COL4A1: variants seen among roughly 807,000 people sequenced by gnomAD.
COL4A1 encodes the protein collagen type IV alpha 1 chain, also known as collagen alpha-1(IV) chain.
Under a neutral mutation model 216.6 loss-of-function variants are expected in COL4A1, and 40 were observed. The ratio of observed to expected loss-of-function variants is 0.18; its 90% CI spans 0.14 to 0.24. The LOEUF is 0.24. Ranked by LOEUF, COL4A1 falls within the 10% of genes least tolerant of loss-of-function variation. The pLI, the probability that COL4A1 is intolerant of heterozygous loss-of-function variation, is 1.00. For synonymous variants in COL4A1, 839 were observed against 810.7 expected (o/e 1.03, Z -0.59); for missense variants, 1,628 against 2,196.8 (o/e 0.74, Z 5.18).
chr13:110,255,081 G>A (rs540380022), intron 1 of COL4A1, among the ~76,000 whole-genome samples: 3 of 152,320 alleles, frequency 2.0e-5, no homozygotes, highest in South Asian at 2.1e-4. Context: ...CACTTCCCGC[G>A]GAGGAGGTCT....
At chr13:110,272,031 G>A (rs1235807787) in intron 1 of COL4A1, among the ~76,000 whole-genome samples, 1 of 152,160 alleles carries the variant, frequency 6.6e-6, no homozygotes, top group African/African-American at 2.4e-5. Flanking sequence ...GGTAAGATCA[G>A]GTAATATTTG....
At chr13:110,264,360 C>T (rs770330074) in intron 1 of COL4A1, among the ~76,000 whole-genome samples, 70 of 152,218 alleles carry the variant, frequency 4.6e-4, no homozygotes, top group Non-Finnish European at 8.7e-4. Context: ...GTCAACTAAC[C>T]TGGCTGCAGG....
intron 2 of COL4A1, among the ~76,000 whole-genome samples, chr13:110,231,567 C>T (rs1478831671): frequency 1.3e-5 from 2 of 152,134 alleles, no homozygotes; most frequent in East Asian, 1.9e-4. Flanking sequence ...AGAGTGTTCA[C>T]TTGGGGGTTC....
chr13:110,197,991 GT>G (rs1878981659), intron 21 of COL4A1, among the ~76,000 whole-genome samples: 1 of 151,858 alleles, frequency 6.6e-6, no homozygotes, highest in South Asian at 2.1e-4. Flanking sequence ...CATGTTACAT[GT>G]TCACCTTTTC....
chr13:110,277,612 C>T (rs1883478111), intron 1 of COL4A1, among the ~76,000 whole-genome samples: 1 of 152,214 alleles, frequency 6.6e-6, no homozygotes, highest in African/African-American at 2.4e-5. Context: ...CCAGCCAGAC[C>T]TCACCACCAC....
intron 22 of COL4A1, 34 bp downstream of exon 22, chr13:110,194,989 C>A (rs1566364703): frequency 1.3e-6 from 2 of 1,584,956 alleles, no homozygotes; most frequent in Admixed American, 3.3e-5. Flanking sequence ...CGCAAAGACA[C>A]AACCACCATT....
At chr13:110,269,948 C>T (rs547711215) in intron 1 of COL4A1, among the ~76,000 whole-genome samples, 4 of 152,184 alleles carry the variant, frequency 2.6e-5, no homozygotes, top group African/African-American at 7.2e-5. Flanking sequence ...ACATACCTGC[C>T]GAAATGGCTG....
At chr13:110,265,410 A>G (rs967866837) in intron 1 of COL4A1, 1 of 152,232 alleles carries the variant, frequency 6.6e-6, no homozygotes, top group African/African-American at 2.4e-5. Flanking sequence ...AGCCTGAGGC[A>G]CCCTAAACTA....
At chr13:110,156,125 T>C (rs542471770) in intron 49 of COL4A1, among the ~76,000 whole-genome samples, 1 of 152,312 alleles carries the variant, frequency 6.6e-6, no homozygotes, top group East Asian at 1.9e-4. Context: ...CTGTCTGTCT[T>C]GTAGAAGGGG....
At chr13:110,170,125 G>GGAAA (rs1566346601) in intron 42 of COL4A1, among the ~76,000 whole-genome samples, 2,187 of 25,724 alleles carry the variant, frequency 0.085, 79 homozygotes, top group African/African-American at 0.16. Context: ...AAGGAAGGAA[G>GGAAA]GAAGGAAGGA....
chr13:110,299,810 C>A (rs1296296998), intron 1 of COL4A1, among the ~76,000 whole-genome samples: 3 of 152,236 alleles, frequency 2.0e-5, no homozygotes, highest in Non-Finnish European at 2.9e-5. Context: ...ATACGTCACA[C>A]ACAACTCAGT....
Position 110,289,283 on chromosome 13 carries a change from C to T in COL4A1, c.84+17661G>A, listed in dbSNP as rs565490186. On this transcript the variant is annotated intron_variant, in intron 1 of 51. Coordinates refer to ENST00000375820, the MANE Select transcript of COL4A1 (RefSeq NM_001845.6). ...CTGGAGTGATGAGTTCCAGCTCTAG[C>T]ACGATCCAGGCCGGGGTGCCATCCA... Among the ~76,000 whole-genome samples, 3 of 151,766 alleles carry T rather than the reference C, an allele frequency of 2.0e-5. No homozygotes were observed. In the South Asian group the frequency reaches 6.2e-4, roughly 31 times the overall value.
At chr13:110,302,632 C>T (rs1884540391) in intron 1 of COL4A1, among the ~76,000 whole-genome samples, 1 of 152,236 alleles carries the variant, frequency 6.6e-6, no homozygotes. Context: ...AACCAGCTCA[C>T]TGTGTACCAG....
chr13:110,179,114 T>A, intron 30 of COL4A1, 78 bp from the exon 31 acceptor site: 1 of 1,532,500 alleles, frequency 6.5e-7, no homozygotes, highest in South Asian at 1.1e-5. Context: ...TGCACACGAA[T>A]GGCCCCAGCA....
intron 2 of COL4A1, 146 bp downstream of exon 2, chr13:110,242,528 GT>G: frequency 1.2e-6 from 1 of 859,024 alleles, no homozygotes; most frequent in Non-Finnish European, 2.0e-6. Context: ...GTCAAGCCTG[GT>G]TTGGCTTCAT....
chr13:110,279,934 G>A (rs1419560534), intron 1 of COL4A1, among the ~76,000 whole-genome samples: 3 of 152,170 alleles, frequency 2.0e-5, no homozygotes, highest in Admixed American at 6.5e-5. Flanking sequence ...CCTCCAGAGA[G>A]CGTCCACGTT....
intron 2 of COL4A1, among the ~76,000 whole-genome samples, chr13:110,231,861 C>T (rs561168): frequency 0.13 from 19,470 of 152,246 alleles, 1,653 homozygotes; most frequent in African/African-American, 0.24. Flanking sequence ...GGATTTCTCA[C>T]CTAGGAGGGC....
chr13:110,166,390 C>T (rs1467404219), intron 44 of COL4A1, 87 bp from the exon 45 acceptor site: 2 of 857,232 alleles, frequency 2.3e-6, no homozygotes, highest in African/African-American at 3.3e-5. Flanking sequence ...CTAGTGCACA[C>T]ACATACATGT....
At chr13:110,226,176 A>G (rs1375130934) in intron 2 of COL4A1, among the ~76,000 whole-genome samples, 2 of 152,216 alleles carry the variant, frequency 1.3e-5, no homozygotes, top group Non-Finnish European at 2.9e-5. Context: ...TGTGGCTAAG[A>G]CAGACATAAG....
Sources: allele counts gnomAD v4.1 joint callset (sites outside exome capture counted in the v4.1 genomes callset), GRCh38; gene constraint gnomAD v4.1.1; transcripts MANE v1.5; gene names NCBI Gene and HGNC (gene_info 2026-07-23, HGNC 2026-07-21).